PRKN: variants seen among roughly 807,000 people sequenced by gnomAD.
PRKN encodes E3 ubiquitin-protein ligase parkin.
PRKN carries 56 observed loss-of-function variants against 59.5 expected under a neutral mutation model. That is an observed-to-expected ratio of 0.94 (90% CI 0.76 to 1.18). PRKN has a LOEUF of 1.18. PRKN is among the 50% of genes most tolerant of loss of function. The pLI is 0.00. For missense variants in PRKN, 657 were observed against 596.4 expected (o/e 1.10, Z -1.06); for synonymous variants, 250 against 222.1 (o/e 1.13, Z -1.12).
At chr6:162,043,000 CT>C (rs1784122479) in intron 5 of PRKN, among the ~76,000 whole-genome samples, 1 of 152,142 alleles carries the variant, frequency 6.6e-6, no homozygotes, top group African/African-American at 2.4e-5. Flanking sequence ...CTTCATTGGA[CT>C]TACAGTTCCA....
At chr6:162,695,128 G>A (rs1777921998) in intron 1 of PRKN, 1 of 152,054 alleles carries the variant, frequency 6.6e-6, no homozygotes. Context: ...GAGGCAATAA[G>A]AATAAAGTAA....
intron 3 of PRKN, among the ~76,000 whole-genome samples, chr6:162,217,770 T>C (rs756365620): frequency 5.5e-4 from 83 of 152,178 alleles, no homozygotes; most frequent in Non-Finnish European, 1.1e-3. Flanking sequence ...CAATTCCTAT[T>C]AGCGCAAGGG....
chr6:161,926,275 G>T (rs922913784), intron 6 of PRKN, among the ~76,000 whole-genome samples: 2 of 152,070 alleles, frequency 1.3e-5, no homozygotes, highest in Non-Finnish European at 2.9e-5. Flanking sequence ...ACCTAAATAC[G>T]CAGGTCAAGA....
intron 7 of PRKN, among the ~76,000 whole-genome samples, chr6:161,777,407 T>A (rs1484062992): frequency 6.6e-6 from 1 of 152,026 alleles, no homozygotes; most frequent in African/African-American, 2.4e-5. Flanking sequence ...TGAAAAAGAT[T>A]GGTTCATTGT....
chr6:162,151,706 C>T (rs752953608), intron 4 of PRKN, among the ~76,000 whole-genome samples: 3 of 152,152 alleles, frequency 2.0e-5, no homozygotes, highest in Non-Finnish European at 4.4e-5. Context: ...GGCTGATTCA[C>T]GTCTTGCCAG....
At chr6:162,309,561 C>G (rs117621362) in intron 2 of PRKN, among the ~76,000 whole-genome samples, 3 of 152,078 alleles carry the variant, frequency 2.0e-5, no homozygotes, top group Admixed American at 1.3e-4. Context: ...GCTGTCTTGC[C>G]GAATAAGCAC....
At chr6:162,631,596 T>C (rs1477547966) in intron 1 of PRKN, among the ~76,000 whole-genome samples, 1 of 152,152 alleles carries the variant, frequency 6.6e-6, no homozygotes. Flanking sequence ...TATTAGGCCT[T>C]TGTCAAATGC....
chr6:162,279,799 G>C (rs376761178), intron 2 of PRKN, among the ~76,000 whole-genome samples: 2 of 152,114 alleles, frequency 1.3e-5, no homozygotes, highest in African/African-American at 4.8e-5. Flanking sequence ...ATTATTGTGT[G>C]GGAGTCTAAG....
intron 7 of PRKN, among the ~76,000 whole-genome samples, chr6:161,716,986 G>T (rs1237773259): frequency 6.6e-6 from 1 of 152,156 alleles, no homozygotes; most frequent in African/African-American, 2.4e-5. Flanking sequence ...GGTAACACGG[G>T]CATGTGTTCT....
chr6:161,925,299 C>T (rs74458729), intron 6 of PRKN, among the ~76,000 whole-genome samples: 15,800 of 152,094 alleles, frequency 0.1, 1,092 homozygotes, highest in Admixed American at 0.17. Context: ...AGGTCAGGTG[C>T]GGTGGTTCAG....
chr6:161,669,854 T>C (rs1292463043), intron 7 of PRKN, among the ~76,000 whole-genome samples: 1 of 152,188 alleles, frequency 6.6e-6, no homozygotes, highest in Non-Finnish European at 1.5e-5. Context: ...GTAACTGAAG[T>C]CACAGAGCTG....
chr6:162,015,405 G>C (rs7746243), intron 5 of PRKN, among the ~76,000 whole-genome samples: 34,137 of 152,146 alleles, frequency 0.22, 4,214 homozygotes, highest in African/African-American at 0.33. Flanking sequence ...TAACTGCAAA[G>C]GGAAAAGTAG....
intron 2 of PRKN, among the ~76,000 whole-genome samples, chr6:162,338,007 T>C (rs1583403897): frequency 6.6e-6 from 1 of 152,182 alleles, no homozygotes; most frequent in Non-Finnish European, 1.5e-5. Flanking sequence ...TTTAAGAGGA[T>C]AAATCTAAAA....
chr6:161,812,947 C>A (rs1648105191), intron 6 of PRKN, among the ~76,000 whole-genome samples: 1 of 152,136 alleles, frequency 6.6e-6, no homozygotes, highest in Non-Finnish European at 1.5e-5. Context: ...CACAAATGGT[C>A]ACAGCAGCAT....
chr6:161,631,325 A>G (rs1783300873), intron 7 of PRKN, among the ~76,000 whole-genome samples: 1 of 152,244 alleles, frequency 6.6e-6, no homozygotes, highest in Non-Finnish European at 1.5e-5. Context: ...TAGAGTACCA[A>G]TAAGCTCTAC....
chr6:161,382,111 C>CAAAAAAAAAAAAA (rs59174358), intron 10 of PRKN, among the ~76,000 whole-genome samples: 56 of 46,246 alleles, frequency 1.2e-3, no homozygotes, highest in African/African-American at 2.3e-3. Flanking sequence ...GACTCCATCT[C>CAAAAAAAAAAAAA]AAAAAAAAAA....
intron 9 of PRKN, among the ~76,000 whole-genome samples, chr6:161,435,577 C>T (rs1788842953): frequency 1.3e-5 from 2 of 151,968 alleles, no homozygotes; most frequent in Admixed American, 1.3e-4. Flanking sequence ...CCCCGTTTTA[C>T]CATTGCAGAA....
intron 1 of PRKN, among the ~76,000 whole-genome samples, chr6:162,627,032 T>TA (rs1419352324): frequency 1.3e-5 from 2 of 152,132 alleles, no homozygotes; most frequent in Non-Finnish European, 2.9e-5. Flanking sequence ...AACATCAGGA[T>TA]AAACAAGGCA....
intron 3 of PRKN, among the ~76,000 whole-genome samples, chr6:162,223,430 G>A (rs528433750): frequency 1.3e-5 from 2 of 152,018 alleles, no homozygotes; most frequent in African/African-American, 4.8e-5. Flanking sequence ...AGCACTATTA[G>A]TAGCAGCAGT....
Sources: gnomAD v4.1 joint callset for allele counts (sites outside exome capture counted in the v4.1 genomes callset) on GRCh38, gnomAD v4.1.1 for gene constraint, MANE v1.5 for transcripts, NCBI Gene and HGNC (gene_info 2026-07-23, HGNC 2026-07-21) for gene names.